The following SFSWAP variants were observed in gnomAD, a reference collection of about 807,000 sequenced individuals.
SFSWAP encodes splicing factor, suppressor of white-apricot homolog.
In SFSWAP, 17 loss-of-function variants were observed where a neutral mutation model predicts 100.7. The observed-to-expected ratio is 0.17, with a 90% CI of 0.12 to 0.25. The LOEUF is 0.25. SFSWAP is among the 10% of genes least tolerant of loss of function. The pLI is 1.00. For missense variants in SFSWAP, 1,005 were observed against 1,262.6 expected (o/e 0.80, Z 3.09); for synonymous variants, 504 against 510.1 (o/e 0.99, Z 0.16).
At chr12:131,766,043 C>G in intron 12 of SFSWAP, 75 bp from the exon 13 acceptor site, 9 of 1,449,562 alleles carry the variant, frequency 6.2e-6, no homozygotes, top group Non-Finnish European at 8.4e-6. Flanking sequence ...GACACTTTTG[C>G]AACCTGTGAA....
intron 13 of SFSWAP, among the ~76,000 whole-genome samples, chr12:131,767,786 CACACATGG>C (rs1202767746): frequency 2.7e-4 from 41 of 152,042 alleles, no homozygotes; most frequent in Non-Finnish European, 5.7e-4. Flanking sequence ...AAACATTGAG[CACACATGG>C]ACACAGAGAA....
intron 11 of SFSWAP, among the ~76,000 whole-genome samples, chr12:131,762,800 C>T (rs1309128536): frequency 6.6e-6 from 1 of 152,140 alleles, no homozygotes; most frequent in Non-Finnish European, 1.5e-5. Flanking sequence ...AGGGTTTCAC[C>T]GTGTTGGCCC....
chr12:131,765,644 C>T (rs573948221), intron 12 of SFSWAP, among the ~76,000 whole-genome samples: 4 of 151,646 alleles, frequency 2.6e-5, no homozygotes, highest in Non-Finnish European at 5.9e-5. Flanking sequence ...GCAAAAACTC[C>T]GTCTCAAAGA....
chr12:131,753,987 T>A (rs1881908695), intron 8 of SFSWAP, among the ~76,000 whole-genome samples: 1 of 152,156 alleles, frequency 6.6e-6, no homozygotes, highest in Non-Finnish European at 1.5e-5. Flanking sequence ...CTCTTTCTGG[T>A]CATGCTGAGC....
chr12:131,773,051 T>C (rs1208330781), intron 13 of SFSWAP, among the ~76,000 whole-genome samples: 1 of 152,178 alleles, frequency 6.6e-6, no homozygotes, highest in Non-Finnish European at 1.5e-5. Context: ...GTCTGGAGTC[T>C]GGGGTTCTTA....
Position 131,738,775 on chromosome 12 carries a change from A to C in SFSWAP, c.1081+10347A>C, listed in dbSNP as rs531439596. On this transcript the variant is annotated intron_variant, in intron 7 of 17. Transcript: ENST00000261674. ...TCTCTTCTAGCTGTAGCAACTACCT[A>C]GTATCCTGTTGTATAGATTTATTGT... Among the ~76,000 whole-genome samples, 5 of 151,488 alleles carry C rather than the reference A, an allele frequency of 3.3e-5. No homozygotes were observed. The South Asian group carries it at 1.0e-3, about 32-fold the overall frequency.
rs1877671956 is a variant in SFSWAP at position 131,714,197 on chromosome 12, T to C, written c.345T>C (p.Tyr115=). 2 of 1,613,912 alleles carry C rather than the reference T, an allele frequency of 1.2e-6. No individual in the cohort carries two copies. The highest frequency in any genetic ancestry group is 1.7e-6 in the Non-Finnish European group (2 of 1,179,838). Residue 115 remains tyrosine (Y), a synonymous_variant, in exon 2 of 18, where the codon TAT becomes TAC. Coordinates refer to ENST00000261674, the MANE Select transcript of SFSWAP (RefSeq NM_004592.4). This position sits in a 1 kb window ranked among gnomAD's most constrained non-coding sequence, Gnocchi z 6.0. ...AGGCCCTGTGTGATGAAGAGAGGTATTTAGCCTTGCATACGGACTTGCTTG... is the reference window on the plus strand; with the variant it reads ...AGGCCCTGTGTGATGAAGAGAGGTACTTAGCCTTGCATACGGACTTGCTTG... ...RIEALCDEER[Y]LALHTDLLEE... is the part of the protein sequence containing the mutation.
At chr12:131,744,412 C>G (rs1880930067) in intron 7 of SFSWAP, among the ~76,000 whole-genome samples, 1 of 152,234 alleles carries the variant, frequency 6.6e-6, no homozygotes, top group Non-Finnish European at 1.5e-5. Flanking sequence ...CCACAGATCT[C>G]TAGGGCAGGG....
At chr12:131,736,119 A>C (rs1879994199) in intron 7 of SFSWAP, among the ~76,000 whole-genome samples, 1 of 152,222 alleles carries the variant, frequency 6.6e-6, no homozygotes, top group Non-Finnish European at 1.5e-5. Context: ...CCAGCACAGA[A>C]ATCCACAGGC....
intron 14 of SFSWAP, 116 bp from the exon 15 acceptor site, chr12:131,786,347 C>T (rs1003633987): frequency 7.7e-7 from 1 of 1,290,332 alleles, no homozygotes; most frequent in Non-Finnish European, 1.0e-6. Context: ...TACACAGGCA[C>T]CACCCTGAGG....
intron 10 of SFSWAP, 96 bp downstream of exon 10, chr12:131,755,575 AG>A (rs1271667358): frequency 2.5e-6 from 2 of 810,380 alleles, no homozygotes; most frequent in Non-Finnish European, 4.1e-6. Context: ...TACAGGTGAA[AG>A]GGCTGGGTGA....
chr12:131,732,682 C>G (rs1879623612), intron 7 of SFSWAP, among the ~76,000 whole-genome samples: 1 of 152,196 alleles, frequency 6.6e-6, no homozygotes, highest in Admixed American at 6.5e-5. Flanking sequence ...GCCTGTTATT[C>G]CTGTATCTCT....
intron 13 of SFSWAP, among the ~76,000 whole-genome samples, chr12:131,771,592 A>G (rs951564506): frequency 6.6e-6 from 1 of 150,486 alleles, no homozygotes; most frequent in Non-Finnish European, 1.5e-5. Flanking sequence ...GGAAAGCAGC[A>G]TCTGCTTTAA....
chr12:131,739,866 A>G (rs1880437926), intron 7 of SFSWAP, among the ~76,000 whole-genome samples: 1 of 152,016 alleles, frequency 6.6e-6, no homozygotes, highest in Admixed American at 6.5e-5. Flanking sequence ...TTTTAGTTTT[A>G]TGGTTGACTG....
At chr12:131,739,448 T>A (rs980637531) in intron 7 of SFSWAP, among the ~76,000 whole-genome samples, 1 of 152,036 alleles carries the variant, frequency 6.6e-6, no homozygotes, top group Admixed American at 6.6e-5. Flanking sequence ...ACTATATTTA[T>A]GACTTTGGTT....
chr12:131,728,523 T>G, intron 7 of SFSWAP, 95 bp downstream of exon 7: 2 of 1,386,412 alleles, frequency 1.4e-6, no homozygotes, highest in Non-Finnish European at 2.0e-6. Context: ...GTCCTCCAAG[T>G]GTAACAAGTA....
Position 131,783,179 on chromosome 12 carries a change from T to TAA in SFSWAP, c.2409-3266_2409-3265dup, listed in dbSNP as rs555914355. 1.1e-3 allele frequency among the ~76,000 whole-genome samples: 138 copies of TAA among 124,622 alleles called. 1 individual carries two copies. Among genetic ancestry groups the TAA allele is most frequent in the South Asian group, 2.4e-3 (9 of 3,690 alleles). The allele number at this position is 124,622 out of a possible 152,430, so 81.8% of individuals were successfully genotyped here. ...CTGGGCAATAGAGCAAGACTCCGTC[T>TAA]AAAAAAAAAAAAAAAAAAAGATTAA... is the stretch of plus-strand genomic sequence containing the variant. On this transcript the variant is annotated intron_variant, in intron 14 of 17. Coordinates refer to ENST00000261674, the MANE Select transcript of SFSWAP (RefSeq NM_004592.4).
intron 16 of SFSWAP, 105 bp downstream of exon 16, chr12:131,797,465 C>G: frequency 1.9e-6 from 2 of 1,044,952 alleles, no homozygotes; most frequent in Non-Finnish European, 2.7e-6. Context: ...TCGCCTGTGT[C>G]CAGGGGGCGC....
In SFSWAP at chr12:131,711,508, T is replaced by A; in HGVS notation, c.218+61T>A. On this transcript the variant is annotated intron_variant, in intron 1 of 17. Coordinates refer to ENST00000261674, the MANE Select transcript of SFSWAP (RefSeq NM_004592.4). This position sits in a 1 kb window ranked among gnomAD's most constrained non-coding sequence, Gnocchi z 4.9. ...CCCTCACCCGCTTGATCTCGTCTGA[T>A]GTTGACTTGACTGCAAGGACTGCAG... is the stretch of plus-strand genomic sequence containing the variant. 1 of 1,404,516 alleles carries A rather than the reference T, an allele frequency of 7.1e-7. No homozygotes were observed. Among genetic ancestry groups the A allele is most frequent in the Non-Finnish European group, 1.0e-6 (1 of 999,962 alleles). The allele number at this position is 1,404,516 out of a possible 1,614,324, so 87.0% of individuals were successfully genotyped here.
Sources: allele counts gnomAD v4.1 joint callset (sites outside exome capture counted in the v4.1 genomes callset), GRCh38; gene constraint gnomAD v4.1.1; non-coding constraint Gnocchi (gnomAD v3.1); transcripts MANE v1.5; gene names NCBI Gene and HGNC (gene_info 2026-07-23, HGNC 2026-07-21).